FAM222B: variants seen among roughly 807,000 people sequenced by gnomAD.
FAM222B encodes the protein protein FAM222B.
Under a neutral mutation model 38.0 loss-of-function variants are expected in FAM222B, and 12 were observed. The ratio of observed to expected loss-of-function variants is 0.32; its 90% confidence interval spans 0.20 to 0.51. The LOEUF (loss-of-function observed/expected upper bound fraction) is 0.51, where lower values mean the gene tolerates loss of function less well. Among genes scored for constraint, FAM222B ranks in the 20% least tolerant of loss-of-function variants. The pLI is 0.97. For synonymous variants in FAM222B, 329 were observed against 317.2 expected (o/e 1.04, Z -0.40); for missense variants, 716 against 754.2 (o/e 0.95, Z 0.59).
rs71135852 is a variant in FAM222B at position 28,790,884 on chromosome 17, C to CATTTTTTTTTTTT, written c.-40-24178_-40-24177insAAAAAAAAAAAAT. ...GTTCTATATATTTCAAATTGTTTCA[C>CATTTTTTTTTTTT]TTTTTTTTTTTTTTTTTTTTTTTTT... On this transcript the variant is annotated intron_variant, in intron 1 of 2. Transcript: ENST00000581407. Among the ~76,000 whole-genome samples the CATTTTTTTTTTTT allele has an allele frequency of 8.5e-3, 732 of 86,076 alleles. 295 individuals carry two copies. Among genetic ancestry groups the CATTTTTTTTTTTT allele is most frequent in the African/African-American group, 0.018 (379 of 21,594 alleles). 56.5% of individuals were successfully genotyped at this position (86,076 alleles called of 152,430 possible).
chr17:28,841,833 G>T (rs1011635660), intron 1 of FAM222B, among the ~76,000 whole-genome samples: 1 of 152,180 alleles, frequency 6.6e-6, no homozygotes, highest in Admixed American at 6.6e-5. Context: ...TTTTCCTACA[G>T]AAGTCTGATG....
chr17:28,817,123 T>A (rs78125319), intron 1 of FAM222B, among the ~76,000 whole-genome samples: 1 of 150,834 alleles, frequency 6.6e-6, no homozygotes, highest in Non-Finnish European at 1.5e-5. Context: ...AAAAAAAAAA[T>A]AGTAATAAGC....
At chr17:28,838,890 GA>G (rs2038940827) in intron 1 of FAM222B, among the ~76,000 whole-genome samples, 1 of 151,690 alleles carries the variant, frequency 6.6e-6, no homozygotes, top group African/African-American at 2.4e-5. Context: ...CTGGGCAACA[GA>G]GTGAAACTTG....
chr17:28,769,809 G>T (rs2035537047), intron 1 of FAM222B, among the ~76,000 whole-genome samples: 1 of 152,026 alleles, frequency 6.6e-6, no homozygotes, highest in Admixed American at 6.6e-5. Flanking sequence ...TTCCTTCAAC[G>T]AGCCAAACAC....
At chr17:28,779,021 T>G (rs187795360) in intron 1 of FAM222B, among the ~76,000 whole-genome samples, 1 of 152,136 alleles carries the variant, frequency 6.6e-6, no homozygotes, top group Non-Finnish European at 1.5e-5. Context: ...AGTAGAATTT[T>G]GCTCATAAGT....
intron 1 of FAM222B, among the ~76,000 whole-genome samples, chr17:28,771,818 G>T (rs765388581): frequency 5.9e-5 from 9 of 152,150 alleles, no homozygotes; most frequent in Non-Finnish European, 8.8e-5. Context: ...ACTTTGGGAG[G>T]CCGAGGTGGG....
intron 1 of FAM222B, among the ~76,000 whole-genome samples, chr17:28,778,697 G>GTATATATATATATATATATATA (rs1204895077): frequency 1.8e-4 from 8 of 45,342 alleles, no homozygotes; most frequent in South Asian, 1.1e-3. Flanking sequence ...GTGTGTGTGT[G>GTATATATATATATATATATATA]TATATATATA....
intron 1 of FAM222B, among the ~76,000 whole-genome samples, chr17:28,810,439 C>CTGTTTTATATACTAGCTAACTT (rs71135855): frequency 7.7e-6 from 1 of 129,952 alleles, no homozygotes; most frequent in Admixed American, 8.0e-5. Flanking sequence ...CTAGCTAACT[C>CTGTTTTATATACTAGCTAACTT]TGTTTTATAT....
chr17:28,799,857 C>G (rs1282120525), intron 1 of FAM222B, among the ~76,000 whole-genome samples: 1 of 152,194 alleles, frequency 6.6e-6, no homozygotes, highest in Non-Finnish European at 1.5e-5. Context: ...ATCCTCCTGC[C>G]TTGGCCTCCC....
intron 1 of FAM222B, among the ~76,000 whole-genome samples, chr17:28,820,844 GC>G (rs2061685445): frequency 1.3e-5 from 2 of 151,842 alleles, no homozygotes; most frequent in South Asian, 4.2e-4. Flanking sequence ...CACCATGTTG[GC>G]CAGGCTGGTT....
chr17:28,816,137 T>A (rs1200036855), intron 1 of FAM222B, among the ~76,000 whole-genome samples: 3 of 150,122 alleles, frequency 2.0e-5, no homozygotes, highest in Non-Finnish European at 4.4e-5. Flanking sequence ...ATTAGCCCAG[T>A]ATGGTAGTGG....
At chr17:28,762,590 G>A (rs2151767744) in intron 2 of FAM222B, among the ~76,000 whole-genome samples, 1 of 133,544 alleles carries the variant, frequency 7.5e-6, no homozygotes. Flanking sequence ...TTGCACCACT[G>A]CACTCCAGCC....
intron 1 of FAM222B, among the ~76,000 whole-genome samples, chr17:28,776,113 G>C (rs1473857635): frequency 6.7e-6 from 1 of 149,794 alleles, no homozygotes; most frequent in Non-Finnish European, 1.5e-5. Context: ...AGGTGCAGTG[G>C]CTCACACCTG....
chr17:28,798,657 C>T (rs182777541), intron 1 of FAM222B, among the ~76,000 whole-genome samples: 51 of 140,498 alleles, frequency 3.6e-4, no homozygotes, highest in Admixed American at 5.9e-4. Context: ...TTTTTTGAAA[C>T]GGAGTCTTGC....
In FAM222B at chr17:28,758,482, C is replaced by A. The variant is rs2034833825; in HGVS notation, c.1477G>T (p.Ala493Ser). Residue 493 changes from alanine to serine, a missense_variant, in exon 3 of 3, where the codon GCC becomes TCC. By Grantham distance (99) the Ala-to-Ser change is moderately conservative. Coordinates refer to ENST00000581407, the MANE Select transcript of FAM222B (RefSeq NM_001077498.3). ...CCCCCGGTCCCTGCTCGGTAGTGGG[C>A]CCCGGGAGCTGCCGCACAGTCGAGG... The part of the protein sequence containing the change: ...APLDCAAAPG[A>S]HYRAGTGGGP... 1 of 1,612,692 alleles carries A rather than the reference C, an allele frequency of 6.2e-7. No individual in the cohort carries two copies. The highest frequency in any genetic ancestry group is 8.5e-7 in the Non-Finnish European group (1 of 1,179,650).
upstream of FAM222B, among the ~76,000 whole-genome samples, chr17:28,844,475 C>A (rs1483592424): frequency 6.6e-6 from 1 of 151,816 alleles, no homozygotes; most frequent in Non-Finnish European, 1.5e-5. Flanking sequence ...CTGGCTAACA[C>A]GGTGAAACCC....
chr17:28,780,343 G>A (rs1418176459), intron 1 of FAM222B, among the ~76,000 whole-genome samples: 1 of 152,120 alleles, frequency 6.6e-6, no homozygotes, highest in Non-Finnish European at 1.5e-5. Flanking sequence ...TCTGTCTGCA[G>A]ATGACATGAT....
Position 28,817,247 on chromosome 17 carries a change from A to G in FAM222B, c.-41+25435T>C, listed in dbSNP as rs192910461. ...GCCAACATTGTGAAACCCCATCTCT[A>G]CTAAAAAATACAAAAATTAGCCGGG... On this transcript the variant is annotated intron_variant, in intron 1 of 2. Coordinates refer to ENST00000581407, the MANE Select transcript of FAM222B (RefSeq NM_001077498.3). Among the ~76,000 whole-genome samples the G allele has an allele frequency of 2.8e-3, 422 of 151,840 alleles. 1 individual carries two copies. The highest frequency in any genetic ancestry group is 4.4e-3 in the Non-Finnish European group (297 of 67,972).
rs2034705791 is a variant in FAM222B, at chr17:28,756,596, G to C, written c.*1674C>G. 1 of 152,630 alleles carries C rather than the reference G, an allele frequency of 6.6e-6. No homozygotes were observed. The highest frequency in any genetic ancestry group is 2.1e-4 in the South Asian group (1 of 4,836). 9.5% of individuals were successfully genotyped at this position (152,630 alleles called of 1,614,324 possible). ...GGCCAACACCTTCGGAGAAGGCATT[G>C]AGTCAGAAGCTACAGGTGCTCCTGG... On this transcript the variant is annotated 3_prime_UTR_variant, in exon 3 of 3. Coordinates refer to ENST00000581407, the MANE Select transcript of FAM222B (RefSeq NM_001077498.3).
Sources: gnomAD v4.1 joint callset for allele counts (sites outside exome capture counted in the v4.1 genomes callset) on GRCh38, gnomAD v4.1.1 for gene constraint, MANE v1.5 for transcripts, NCBI Gene and HGNC (gene_info 2026-07-23, HGNC 2026-07-21) for gene names.